The following FMN1 variants were observed in gnomAD, a reference collection of about 807,000 sequenced individuals.
FMN1 encodes the protein formin 1, also known as formin-1.
FMN1 carries 110 observed loss-of-function variants against 132.4 expected under a neutral mutation model. The ratio of observed to expected loss-of-function variants is 0.83; its 90% CI spans 0.71 to 0.97. The LOEUF (loss-of-function observed/expected upper bound fraction) is 0.97. Ranked by LOEUF, FMN1 falls within the 50% of genes least tolerant of loss-of-function variation. The pLI, the probability that FMN1 is intolerant of heterozygous loss-of-function variation, is 0.00. For missense variants in FMN1, 1,792 were observed against 1,705.3 expected (o/e 1.05, Z -0.90); for synonymous variants, 722 against 651.7 (o/e 1.11, Z -1.64).
At chr15:32,781,830 A>C (rs74011964) in intron 19 of FMN1, among the ~76,000 whole-genome samples, 22,607 of 152,194 alleles carry the variant, frequency 0.15, 1,772 homozygotes, top group Middle Eastern at 0.21. Context: ...TATAAAAATT[A>C]AAGAAAATAC....
chr15:32,913,712 A>G (rs755591480), intron 10 of FMN1, among the ~76,000 whole-genome samples: 2 of 152,222 alleles, frequency 1.3e-5, no homozygotes, highest in African/African-American at 2.4e-5. Flanking sequence ...GGTATGTTGC[A>G]TAACTGTTTC....
intron 6 of FMN1, among the ~76,000 whole-genome samples, chr15:33,032,447 A>T (rs563777493): frequency 2.0e-5 from 3 of 152,350 alleles, no homozygotes; most frequent in African/African-American, 7.2e-5. Context: ...TAAAAAGTTA[A>T]GTGAATTATT....
intron 3 of FMN1, among the ~76,000 whole-genome samples, chr15:33,176,805 T>C (rs934423684): frequency 6.6e-6 from 1 of 152,162 alleles, no homozygotes; most frequent in African/African-American, 2.4e-5. Context: ...GGTTGTGAAG[T>C]CAATTAAAGG....
intron 9 of FMN1, among the ~76,000 whole-genome samples, chr15:32,931,095 G>A (rs2061104343): frequency 6.6e-6 from 1 of 152,116 alleles, no homozygotes; most frequent in South Asian, 2.1e-4. Flanking sequence ...GATTACTGCA[G>A]CTTGGCAATT....
intron 15 of FMN1, among the ~76,000 whole-genome samples, chr15:32,892,299 A>T (rs1189940860): frequency 6.6e-6 from 1 of 152,140 alleles, no homozygotes; most frequent in Non-Finnish European, 1.5e-5. Flanking sequence ...CTTTTTCTGC[A>T]TCTATTGATA....
chr15:32,860,002 C>G (rs2059227648), intron 16 of FMN1, among the ~76,000 whole-genome samples: 1 of 151,432 alleles, frequency 6.6e-6, no homozygotes, highest in South Asian at 2.1e-4. Context: ...TGTACTCTGG[C>G]CTGGGTGATA....
rs1045859847 is a variant in FMN1 at position 32,926,337 on chromosome 15, T to C, written c.3139-76A>G. The C allele has an allele frequency of 1.7e-5, 13 of 743,816 alleles. No homozygotes were observed. In the African/African-American group the frequency reaches 2.3e-4, roughly 13 times the overall value. 46.1% of individuals were successfully genotyped at this position (743,816 alleles called of 1,614,324 possible). On this transcript the variant is annotated intron_variant, in intron 9 of 20. Transcript: ENST00000616417. ...TCTTTCAGGACGCACACCAAAAACA[T>C]TAAATTTTTTTAGATACACTGATTG...
At chr15:32,981,782 A>G (rs573838475) in intron 7 of FMN1, among the ~76,000 whole-genome samples, 1 of 152,248 alleles carries the variant, frequency 6.6e-6, no homozygotes, top group African/African-American at 2.4e-5. Context: ...TGATTTAGGC[A>G]TTCCACAACG....
chr15:32,808,175 T>A (rs144421568), intron 17 of FMN1, among the ~76,000 whole-genome samples: 21 of 152,368 alleles, frequency 1.4e-4, no homozygotes, highest in African/African-American at 5.1e-4. Context: ...AGAACAATTC[T>A]GAAGTTCATA....
Position 33,060,965 on chromosome 15 carries a change from T to C in FMN1, c.2161+3992A>G, listed in dbSNP as rs1161506463. On this transcript the variant is annotated intron_variant, in intron 6 of 20. Coordinates refer to ENST00000616417, the MANE Select transcript of FMN1 (RefSeq NM_001277313.2). ...TGTCTTAATAATGAGAAATTTCAGG[T>C]AGCCCTTCATAATACAACATAGGAG... 2.6e-5 allele frequency among the ~76,000 whole-genome samples: 4 copies of C among 152,216 alleles called. No homozygotes were observed. The South Asian group carries it at 6.2e-4, about 24-fold the overall frequency.
rs559421645 is a variant in FMN1 at position 32,978,021 on chromosome 15, T to C, written c.2224-8544A>G. On this transcript the variant is annotated intron_variant, in intron 7 of 20. Transcript: ENST00000616417. ...ACAGATGCATGCCCCCACGCCCTGC[T>C]GATTTTTTTATTCTTAGTAGAGACA... Among the ~76,000 whole-genome samples, 36 of 152,084 alleles carry C rather than the reference T, an allele frequency of 2.4e-4. No homozygotes were observed. The Middle Eastern group carries it at 0.01, about 43-fold the overall frequency.
At chr15:33,069,405 G>A (rs1273159222) in intron 5 of FMN1, among the ~76,000 whole-genome samples, 1 of 152,190 alleles carries the variant, frequency 6.6e-6, no homozygotes, top group Non-Finnish European at 1.5e-5. Context: ...AAGTCAAACT[G>A]GCTGAACAGT....
chr15:32,968,619 T>C, intron 8 of FMN1, 95 bp downstream of exon 8: 1 of 1,560,978 alleles, frequency 6.4e-7, no homozygotes, highest in Non-Finnish European at 8.7e-7. Flanking sequence ...TAATGGGTGC[T>C]ACACTATGGA....
At chr15:33,060,008 G>C (rs372400163) in intron 6 of FMN1, among the ~76,000 whole-genome samples, 1 of 152,186 alleles carries the variant, frequency 6.6e-6, no homozygotes, top group Admixed American at 6.5e-5. Context: ...TGGAAGCTTA[G>C]CACAATACAC....
At chr15:33,088,552 C>T (rs926871470) in intron 5 of FMN1, among the ~76,000 whole-genome samples, 2 of 152,310 alleles carry the variant, frequency 1.3e-5, no homozygotes, top group Non-Finnish European at 1.5e-5. Context: ...ATGAACAGAG[C>T]GCTCTGAGAA....
At chr15:32,896,230 T>C (rs1472333468) in intron 15 of FMN1, among the ~76,000 whole-genome samples, 2 of 152,010 alleles carry the variant, frequency 1.3e-5, no homozygotes, top group Non-Finnish European at 2.9e-5. Flanking sequence ...TCTACACTTT[T>C]AATTATTATA....
intron 9 of FMN1, among the ~76,000 whole-genome samples, chr15:32,957,966 T>C (rs2030009306): frequency 6.6e-6 from 1 of 152,182 alleles, no homozygotes; most frequent in South Asian, 2.1e-4. Flanking sequence ...GTATCACAAA[T>C]GAGAATGGCA....
intron 7 of FMN1, among the ~76,000 whole-genome samples, chr15:33,005,139 T>C (rs1048723058): frequency 7.9e-5 from 12 of 151,804 alleles, no homozygotes; most frequent in African/African-American, 2.7e-4. Flanking sequence ...TGTATACATA[T>C]GTAACAAACC....
At chr15:32,859,139 T>C (rs2059205703) in intron 16 of FMN1, among the ~76,000 whole-genome samples, 1 of 152,224 alleles carries the variant, frequency 6.6e-6, no homozygotes, top group Admixed American at 6.5e-5. Flanking sequence ...TGTTGGATTA[T>C]GTTTTTTTAA....
Sources: allele counts gnomAD v4.1 joint callset (sites outside exome capture counted in the v4.1 genomes callset), GRCh38; gene constraint gnomAD v4.1.1; transcripts MANE v1.5; gene names NCBI Gene and HGNC (gene_info 2026-07-23, HGNC 2026-07-21).